The following CFAP184 variants were observed in gnomAD, a reference collection of about 807,000 sequenced individuals.
CFAP184 encodes the protein cilia and flagella associated protein 184, also known as cilia- and flagella-associated protein 184.
the CFAP184 span, chr4:7,041,367 G>T: frequency 1.9e-6 from 3 of 1,614,120 alleles, no homozygotes; most frequent in Admixed American, 3.3e-5. Context: ...GGGATTCCAG[G>T]CGCCGGTGAA....
At chr4:7,042,805 G>C in the CFAP184 span, 1 of 1,560,628 alleles carries the variant, frequency 6.4e-7, no homozygotes, top group Non-Finnish European at 8.6e-7. Context: ...CTCCGGCTCC[G>C]ACTCCAGCTC....
chr4:7,042,472 G>C, the CFAP184 span: 1 of 1,610,518 alleles, frequency 6.2e-7, no homozygotes, highest in Non-Finnish European at 8.5e-7. Context: ...CTCCGGGGCT[G>C]CAGCAGCCTC....
the CFAP184 span, chr4:7,042,956 A>G: frequency 8.5e-5 from 119 of 1,407,866 alleles, no homozygotes; most frequent in Non-Finnish European, 1.1e-4. Context: ...CGGCTCGGCC[A>G]GCGCAGCGGA....
At chr4:7,042,334 T>C in the CFAP184 span, 4 of 1,606,168 alleles carry the variant, frequency 2.5e-6, no homozygotes, top group South Asian at 1.1e-5. Flanking sequence ...GTCCCTTCCA[T>C]AGAGGCGCTT....
chr4:7,042,307 T>C, the CFAP184 span: 3 of 1,594,472 alleles, frequency 1.9e-6, no homozygotes, highest in South Asian at 3.3e-5. Flanking sequence ...CTCGGACCAC[T>C]CGAGGTCCTC....
the CFAP184 span, chr4:7,042,107 G>A: frequency 1.9e-6 from 3 of 1,608,290 alleles, no homozygotes; most frequent in Non-Finnish European, 1.7e-6. Flanking sequence ...TCTTTCTCGG[G>A]GGCCTCGGCC....
chr4:7,041,641 C>T, the CFAP184 span: 85 of 1,614,070 alleles, frequency 5.3e-5, no homozygotes, highest in African/African-American at 9.7e-4. Context: ...CACCTTGCTG[C>T]GAAGTTTTAA....
the CFAP184 span, chr4:7,042,905 CG>C: frequency 3.9e-6 from 6 of 1,549,578 alleles, no homozygotes; most frequent in Admixed American, 5.4e-5. Flanking sequence ...CCTTCCCCGC[CG>C]GGGTCCTTAG....
chr4:7,041,557 T>C, the CFAP184 span: 1 of 1,614,274 alleles, frequency 6.2e-7, no homozygotes, highest in Non-Finnish European at 8.5e-7. Context: ...CAGCTGTGTC[T>C]TTTTGCACGC....
At chr4:7,042,810 C>G in the CFAP184 span, 13 of 1,563,894 alleles carry the variant, frequency 8.3e-6, no homozygotes, top group Non-Finnish European at 1.0e-5. Context: ...GCTCCGACTC[C>G]AGCTCCCCGG....
the CFAP184 span, chr4:7,042,637 G>A: frequency 6.7e-7 from 1 of 1,490,422 alleles, no homozygotes; most frequent in Admixed American, 2.3e-5. Context: ...CCCAACCTCG[G>A]CCGGCTCTTC....
chr4:7,042,405 GTC>G, the CFAP184 span: 2 of 1,612,012 alleles, frequency 1.2e-6, no homozygotes, highest in Non-Finnish European at 1.7e-6. Flanking sequence ...TCTCCGCGCC[GTC>G]TCTCTGCGTC....
the CFAP184 span, chr4:7,042,000 C>G: frequency 6.2e-7 from 1 of 1,612,410 alleles, no homozygotes; most frequent in African/African-American, 1.3e-5. Context: ...GGCACTGCCG[C>G]TTCAACTGGC....
At chr4:7,041,622 A>G in the CFAP184 span, 1 of 1,614,194 alleles carries the variant, frequency 6.2e-7, no homozygotes, top group South Asian at 1.1e-5. Flanking sequence ...TTACTTGCAC[A>G]CTGTTGGTCA....
At chr4:7,041,968 T>A in the CFAP184 span, 1 of 1,612,454 alleles carries the variant, frequency 6.2e-7, no homozygotes, top group Non-Finnish European at 8.5e-7. Context: ...CCACTCCTTC[T>A]CCACCCTGGT....
chr4:7,042,499 G>T, the CFAP184 span: 2 of 1,609,476 alleles, frequency 1.2e-6, no homozygotes, highest in South Asian at 2.2e-5. Flanking sequence ...ATCGATCCTG[G>T]TCAGCGGCAG....
At chr4:7,042,390 C>A in the CFAP184 span, 14 of 1,612,328 alleles carry the variant, frequency 8.7e-6, no homozygotes, top group East Asian at 1.6e-4. Context: ...CATCCCTCTC[C>A]TTGCTCTCCG....
At chr4:7,042,174 C>A in the CFAP184 span, 2 of 1,598,426 alleles carry the variant, frequency 1.3e-6, no homozygotes, top group East Asian at 4.5e-5. Context: ...TGCGCAGCGC[C>A]TCGAAGATCT....
At chr4:7,041,762 T>A in the CFAP184 span, 1 of 1,613,420 alleles carries the variant, frequency 6.2e-7, no homozygotes, top group Non-Finnish European at 8.5e-7. Context: ...TGGGTCCTCA[T>A]CCTGGTTTCA....
Sources: gnomAD v4.1 joint callset for allele counts on GRCh38, gnomAD v4.1.1 for gene constraint, MANE v1.5 for transcripts, NCBI Gene and HGNC (gene_info 2026-07-23, HGNC 2026-07-21) for gene names.